The following GARIN2 variants were observed in gnomAD, a reference collection of about 807,000 sequenced individuals.
The protein encoded by GARIN2 is golgi associated RAB2 interactor family member 2.
chr14:67,226,767 A>G, the GARIN2 span, among the ~76,000 whole-genome samples: 2 of 152,212 alleles, frequency 1.3e-5, no homozygotes, highest in Admixed American at 6.5e-5. Context: ...TCCACACTCC[A>G]TAATTCCCTG....
At chr14:67,215,423 T>C in the GARIN2 span, among the ~76,000 whole-genome samples, 8 of 151,784 alleles carry the variant, frequency 5.3e-5, no homozygotes, top group East Asian at 1.6e-3. Context: ...TTTTTTATGA[T>C]AACCACTGAG....
the GARIN2 span, chr14:67,200,336 T>C: frequency 1.5e-6 from 1 of 649,014 alleles, no homozygotes; most frequent in Non-Finnish European, 2.7e-6. Flanking sequence ...AAATTCACAT[T>C]TTCCTTCCTC....
the GARIN2 span, among the ~76,000 whole-genome samples, chr14:67,215,586 T>C: frequency 2.6e-5 from 4 of 151,652 alleles, no homozygotes; most frequent in African/African-American, 7.3e-5. Context: ...TAGTCAGAAA[T>C]AGGAAAGGGA....
At chr14:67,195,712 GTTGT>G in the GARIN2 span, among the ~76,000 whole-genome samples, 1 of 101,700 alleles carries the variant, frequency 9.8e-6, no homozygotes, top group Non-Finnish European at 1.9e-5. Flanking sequence ...TTTCTTTTTG[GTTGT>G]GTGTGTGTGT....
the GARIN2 span, among the ~76,000 whole-genome samples, chr14:67,193,356 A>ATATAGATATCTATCTATATAGAGC: frequency 7.5e-6 from 1 of 133,020 alleles, no homozygotes; most frequent in Non-Finnish European, 1.7e-5. Flanking sequence ...CTATATAGAG[A>ATATAGATATCTATCTATATAGAGC]TATATAATCT....
At chr14:67,211,152 A>T in the GARIN2 span, among the ~76,000 whole-genome samples, 1 of 152,208 alleles carries the variant, frequency 6.6e-6, no homozygotes, top group East Asian at 1.9e-4. Context: ...ACTATCTACC[A>T]TGTAGAATTG....
chr14:67,226,745 A>G, the GARIN2 span, among the ~76,000 whole-genome samples: 1 of 152,172 alleles, frequency 6.6e-6, no homozygotes, highest in Non-Finnish European at 1.5e-5. Flanking sequence ...TGTGGCTGAA[A>G]AACAACAAAT....
chr14:67,198,125 C>T, the GARIN2 span: 4 of 1,580,124 alleles, frequency 2.5e-6, no homozygotes, highest in East Asian at 2.3e-5. Flanking sequence ...ATTGTGTTTC[C>T]ATTCCCTCAG....
At chr14:67,224,298 G>T in the GARIN2 span, among the ~76,000 whole-genome samples, 4 of 140,672 alleles carry the variant, frequency 2.8e-5, no homozygotes, top group Admixed American at 3.0e-4. Flanking sequence ...TTACTCTGTC[G>T]CCCAGGCTGG....
chr14:67,203,067 A>G, the GARIN2 span: 1 of 1,604,102 alleles, frequency 6.2e-7, no homozygotes, highest in Non-Finnish European at 8.5e-7. Context: ...TCATCATATA[A>G]CGCCTTTTCC....
chr14:67,199,824 C>T, the GARIN2 span: 3 of 1,502,772 alleles, frequency 2.0e-6, no homozygotes, highest in Admixed American at 2.1e-5. Flanking sequence ...GCCCTCCCAC[C>T]TGGGATACCC....
chr14:67,228,065 G>A, the GARIN2 span, among the ~76,000 whole-genome samples: 1 of 151,768 alleles, frequency 6.6e-6, no homozygotes, highest in Non-Finnish European at 1.5e-5. Context: ...AGCTACTCAG[G>A]AGGCTGAGGC....
chr14:67,200,166 T>A, the GARIN2 span: 1 of 1,159,448 alleles, frequency 8.6e-7, no homozygotes, highest in South Asian at 1.6e-5. Context: ...GTCCTATGCC[T>A]CCACATGGTA....
At chr14:67,201,959 T>A in the GARIN2 span, among the ~76,000 whole-genome samples, 1 of 152,158 alleles carries the variant, frequency 6.6e-6, no homozygotes, top group Non-Finnish European at 1.5e-5. Flanking sequence ...ATACATGCTG[T>A]TCCTCTGCCT....
At chr14:67,203,165 C>T in the GARIN2 span, 3 of 1,613,912 alleles carry the variant, frequency 1.9e-6, no homozygotes, top group Non-Finnish European at 2.5e-6. Flanking sequence ...TCTGTTTTTC[C>T]AGCTCCACCC....
the GARIN2 span, chr14:67,199,726 T>A: frequency 6.2e-4 from 979 of 1,577,200 alleles, 8 homozygotes; most frequent in African/African-American, 0.012. Flanking sequence ...CTGCCCCCAA[T>A]CCTGTGGTAT....
chr14:67,199,894 G>A, the GARIN2 span: 1 of 1,483,422 alleles, frequency 6.7e-7, no homozygotes, highest in Non-Finnish European at 9.0e-7. Context: ...CCCATCGGCA[G>A]GAACCCCAGG....
At chr14:67,203,831 C>T in the GARIN2 span, among the ~76,000 whole-genome samples, 47,269 of 152,076 alleles carry the variant, frequency 0.31, 11,276 homozygotes, top group African/African-American at 0.65. Flanking sequence ...CCTGTCTCAG[C>T]CTCCCGAGTA....
At chr14:67,198,691 G>A in the GARIN2 span, among the ~76,000 whole-genome samples, 4 of 152,168 alleles carry the variant, frequency 2.6e-5, no homozygotes, top group Non-Finnish European at 5.9e-5. Flanking sequence ...GGATTACAAT[G>A]AATCTTAACT....
Sources: allele counts gnomAD v4.1 joint callset (sites outside exome capture counted in the v4.1 genomes callset), GRCh38; gene constraint gnomAD v4.1.1; transcripts MANE v1.5; gene names NCBI Gene and HGNC (gene_info 2026-07-23, HGNC 2026-07-21).